Variants in GPC3 observed in about 807,000 individuals in gnomAD.
GPC3 encodes glypican-3.
In GPC3, 3 loss-of-function variants were observed where a neutral mutation model predicts 34.4. The observed-to-expected ratio is 0.09, with a 90% confidence interval of 0.04 to 0.23. The LOEUF is 0.23. GPC3 is among the 10% of genes least tolerant of loss of function. GPC3 has a pLI of 1.00. For missense variants in GPC3, 351 were observed against 445.6 expected, an observed-to-expected ratio of 0.79 and a Z score of 1.91; for synonymous variants, 177 against 174.0, an observed-to-expected ratio of 1.02 and a Z score of -0.13.
intron 1 of GPC3, among the ~76,000 whole-genome samples, chrX:133,972,091 G>A (rs2076496239): frequency 9.0e-6 from 1 of 111,544 alleles, no homozygotes; most frequent in Non-Finnish European, 1.9e-5. Context: ...AGCTTTTGAA[G>A]GCCAAAAAAC....
intron 1 of GPC3, among the ~76,000 whole-genome samples, chrX:133,974,446 G>A (rs56757848): frequency 0.038 from 4,242 of 112,521 alleles, 69 homozygotes; most frequent in East Asian, 0.1. Context: ...ACATAGAGAT[G>A]TGTGTGTATG....
At chrX:133,801,657 T>C (rs187579768) in intron 2 of GPC3, among the ~76,000 whole-genome samples, 1 of 112,321 alleles carries the variant, frequency 8.9e-6, no homozygotes, top group Admixed American at 9.4e-5. Flanking sequence ...AAGGTTTCAT[T>C]TCAAGGGATT....
chrX:133,596,698 T>C, intron 6 of GPC3, 99 bp from the exon 7 acceptor site: 1 of 855,565 alleles, frequency 1.2e-6, no homozygotes, highest in East Asian at 3.1e-5. Context: ...GTTCAATGAA[T>C]TACACAGAAG....
intron 7 of GPC3, among the ~76,000 whole-genome samples, chrX:133,562,498 G>T (rs2069546256): frequency 9.0e-6 from 1 of 110,752 alleles, no homozygotes; most frequent in African/African-American, 3.3e-5. Flanking sequence ...AGGCACAGTG[G>T]TGGGCGCCTG....
In GPC3 at chrX:133,773,208, C is replaced by T. The variant is rs111874319; in HGVS notation, c.338-19032G>A. Among the ~76,000 whole-genome samples, 1,011 of 111,077 alleles carry T rather than the reference C, an allele frequency of 9.1e-3. 13 individuals carry two copies. Among genetic ancestry groups the T allele is most frequent in the African/African-American group, 0.031 (936 of 30,540 alleles). On this transcript the variant is annotated intron_variant, in intron 2 of 7. Transcript: ENST00000370818. The stretch of plus-strand genomic sequence containing the variant: ...CTGGGATTACAGGCGCCTGCCACCA[C>T]GCCCAGCTAATTATTGCATTTTTAG...
chrX:133,638,026 A>G (rs2070445839), intron 6 of GPC3, among the ~76,000 whole-genome samples: 1 of 111,767 alleles, frequency 8.9e-6, no homozygotes, highest in African/African-American at 3.3e-5. Flanking sequence ...TCATTACTAA[A>G]TATTTTAATT....
At chrX:133,937,981 G>A (rs2076330019) in intron 2 of GPC3, among the ~76,000 whole-genome samples, 2 of 111,622 alleles carry the variant, frequency 1.8e-5, no homozygotes, top group Non-Finnish European at 3.8e-5. Context: ...CCATAGAACA[G>A]GTAGGCCATT....
At chrX:133,975,435 C>T (rs1241667801) in intron 1 of GPC3, among the ~76,000 whole-genome samples, 1 of 108,234 alleles carries the variant, frequency 9.2e-6, no homozygotes, top group Non-Finnish European at 1.9e-5. Context: ...AAAGCCCCCT[C>T]TTTTTTTTTT....
chrX:133,915,257 T>C, intron 2 of GPC3, among the ~76,000 whole-genome samples: 1 of 110,117 alleles, frequency 9.1e-6, no homozygotes. Context: ...CACTGCAACC[T>C]CCGCCTCCTG....
At chrX:133,680,205 G>A (rs957691293) in intron 5 of GPC3, among the ~76,000 whole-genome samples, 3 of 111,408 alleles carry the variant, frequency 2.7e-5, no homozygotes, top group Non-Finnish European at 5.6e-5. Context: ...CTCCCTAATA[G>A]TATTTGGAAA....
chrX:133,685,826 C>T (rs919927557), intron 5 of GPC3, among the ~76,000 whole-genome samples: 1 of 106,947 alleles, frequency 9.4e-6, no homozygotes, highest in East Asian at 3.0e-4. Context: ...CTCCTGGGCT[C>T]AAATAGTCCT....
In GPC3 at chrX:133,725,631, G is replaced by A. The variant is rs375378257; in HGVS notation, c.1033-25603C>T. Among the ~76,000 whole-genome samples the A allele has an allele frequency of 5.4e-5, 6 of 111,968 alleles. No homozygotes were observed. The East Asian group carries it at 8.5e-4, about 16-fold the overall frequency. On this transcript the variant is annotated intron_variant, in intron 3 of 7. Coordinates refer to ENST00000370818, the MANE Select transcript of GPC3 (RefSeq NM_004484.4). ...AAGACATAGGTCTAGAGGAGGGCAA[G>A]TGTGATAAAAAATGAGTTATTGTGA...
intron 7 of GPC3, among the ~76,000 whole-genome samples, chrX:133,538,933 C>T (rs1244250054): frequency 1.0e-5 from 1 of 98,791 alleles, no homozygotes; most frequent in East Asian, 3.3e-4. Flanking sequence ...GTTGCCCAGG[C>T]TGGTCTCAAA....
intron 7 of GPC3, among the ~76,000 whole-genome samples, chrX:133,557,689 T>C (rs1318770751): frequency 8.9e-6 from 1 of 111,883 alleles, no homozygotes; most frequent in African/African-American, 3.2e-5. Flanking sequence ...AATACATCTT[T>C]TGAGGAAGTG....
chrX:133,835,554 G>A (rs1253050902), intron 2 of GPC3, among the ~76,000 whole-genome samples: 1 of 111,782 alleles, frequency 8.9e-6, no homozygotes, highest in Non-Finnish European at 1.9e-5. Context: ...GGAGAGGGAT[G>A]ACTTACAGGG....
intron 6 of GPC3, among the ~76,000 whole-genome samples, chrX:133,650,471 A>C (rs1362121231): frequency 1.8e-5 from 2 of 109,414 alleles, no homozygotes; most frequent in Admixed American, 2.0e-4. Flanking sequence ...ACACACACAC[A>C]CACACACACA....
chrX:133,720,251 G>T (rs953635541), intron 3 of GPC3, among the ~76,000 whole-genome samples: 3 of 112,012 alleles, frequency 2.7e-5, no homozygotes, highest in African/African-American at 9.7e-5. Flanking sequence ...AGCATAATTT[G>T]CAATTGCAAA....
chrX:133,625,628 C>G (rs1361414490), intron 6 of GPC3, among the ~76,000 whole-genome samples: 4 of 111,590 alleles, frequency 3.6e-5, no homozygotes, highest in Non-Finnish European at 5.6e-5. Context: ...AGGACCTCTT[C>G]AAGGAGAACT....
intron 2 of GPC3, among the ~76,000 whole-genome samples, chrX:133,851,876 A>G (rs1024803979): frequency 1.8e-5 from 2 of 112,300 alleles, no homozygotes; most frequent in African/African-American, 6.5e-5. Flanking sequence ...GCACAGCTAG[A>G]AAAGAATTCA....
Sources: gnomAD v4.1 joint callset for allele counts (sites outside exome capture counted in the v4.1 genomes callset) on GRCh38, gnomAD v4.1.1 for gene constraint, MANE v1.5 for transcripts, NCBI Gene and HGNC (gene_info 2026-07-23, HGNC 2026-07-21) for gene names.